SULF1: variants seen among roughly 807,000 people sequenced by gnomAD.
SULF1 encodes the protein extracellular sulfatase Sulf-1.
Under a neutral mutation model 110.5 loss-of-function variants are expected in SULF1, and 46 were observed. The ratio of observed to expected loss-of-function variants is 0.42; its 90% CI spans 0.33 to 0.53. The LOEUF (loss-of-function observed/expected upper bound fraction) is 0.53. Among genes scored for constraint, SULF1 ranks in the 20% least tolerant of loss-of-function variants. SULF1 has a pLI of 0.12. For missense variants in SULF1, 941 were observed against 1,094.2 expected (o/e 0.86, Z 1.98); for synonymous variants, 371 against 387.1 (o/e 0.96, Z 0.49).
intron 22 of SULF1, among the ~76,000 whole-genome samples, chr8:69,641,348 T>C (rs1811453608): frequency 6.6e-6 from 1 of 152,146 alleles, no homozygotes. Context: ...ATTCATTAAC[T>C]TTGGTGGTGA....
chr8:69,565,595 C>T (rs1319101467), intron 5 of SULF1, among the ~76,000 whole-genome samples: 2 of 152,260 alleles, frequency 1.3e-5, no homozygotes, highest in East Asian at 1.9e-4. Flanking sequence ...TTTCCCTCAC[C>T]GGTTTGTCAC....
At chr8:69,531,252 A>G (rs1304640657) in intron 3 of SULF1, among the ~76,000 whole-genome samples, 4 of 151,530 alleles carry the variant, frequency 2.6e-5, no homozygotes, top group African/African-American at 4.9e-5. Flanking sequence ...AGGTTTAAAA[A>G]CTCTTTTAGC....
chr8:69,646,255 A>G (rs1811900481), intron 22 of SULF1, among the ~76,000 whole-genome samples: 1 of 152,162 alleles, frequency 6.6e-6, no homozygotes, highest in East Asian at 1.9e-4. Context: ...TAGTTTTGTG[A>G]GTCACATTGG....
At chr8:69,600,148 G>A (rs571989606) in intron 8 of SULF1, among the ~76,000 whole-genome samples, 1 of 152,214 alleles carries the variant, frequency 6.6e-6, no homozygotes, top group East Asian at 1.9e-4. Flanking sequence ...GAGAAAAAAT[G>A]TGTTGAAATG....
rs147909650 is a variant in SULF1, at chr8:69,576,168, G to T, written c.371G>T (p.Arg124Leu). Reference sequence around the variant, plus strand: ...TCGTGGCAGGCCATGCATGAGCCTCGGACTTTTGCTGTATATCTTAACAAC... The same window carrying T: ...TCGTGGCAGGCCATGCATGAGCCTCTGACTTTTGCTGTATATCTTAACAAC... ...SPSWQAMHEP[R>L]TFAVYLNNTG... The change falls in exon 6 of 23, where the codon CGG (arginine) becomes CTG (leucine). Residue 124 changes from arginine to leucine, a missense_variant. By Grantham distance (102) the Arg-to-Leu change is moderately radical. Transcript: ENST00000402687. 2 of 1,613,996 alleles carry T rather than the reference G, an allele frequency of 1.2e-6. No individual in the cohort carries two copies. The highest frequency in any genetic ancestry group is 1.7e-6 in the Non-Finnish European group (2 of 1,180,028).
chr8:69,599,752 G>A (rs1427158270), intron 8 of SULF1, among the ~76,000 whole-genome samples: 1 of 152,178 alleles, frequency 6.6e-6, no homozygotes, highest in Non-Finnish European at 1.5e-5. Flanking sequence ...GCATAGATAT[G>A]TTACGTACCC....
At chr8:69,634,320 TC>T (rs1810808990) in intron 19 of SULF1, among the ~76,000 whole-genome samples, 1 of 152,236 alleles carries the variant, frequency 6.6e-6, no homozygotes, top group Admixed American at 6.5e-5. Flanking sequence ...ATTTAGAAGT[TC>T]TTTAGAATAG....
At position 69,604,929 on chromosome 8, in the gene SULF1, G is replaced by A. The variant is rs773184964; in HGVS notation, c.1374G>A (p.Gly458=). The A allele has an allele frequency of 6.2e-7, 1 of 1,614,048 alleles. No homozygotes were observed. The part of the protein sequence containing the change: ...ARYQTACEQP[G]QKWQCIEDTS... Reference sequence around the variant, plus strand: ...ACCAGACAGCCTGTGAACAACCGGGGCAGGTGAGTGACGCAGGCTTTCTTT... The same window carrying A: ...ACCAGACAGCCTGTGAACAACCGGGACAGGTGAGTGACGCAGGCTTTCTTT... The change falls in exon 13 of 23, where the codon GGG becomes GGA. Residue 458 remains glycine, a synonymous_variant. Coordinates refer to ENST00000402687, the MANE Select transcript of SULF1 (RefSeq NM_001128205.2).
At chr8:69,589,216 A>G in intron 8 of SULF1, 75 bp downstream of exon 8, 1 of 1,413,434 alleles carries the variant, frequency 7.1e-7, no homozygotes, top group Non-Finnish European at 9.6e-7. Flanking sequence ...CCTCTCCTTT[A>G]CCCCGTTTCC....
intron 3 of SULF1, among the ~76,000 whole-genome samples, chr8:69,504,734 A>T (rs1460335475): frequency 2.0e-5 from 3 of 151,990 alleles, no homozygotes; most frequent in Admixed American, 1.3e-4. Context: ...GGCTTCAGAG[A>T]TCTCTGCCCC....
intron 1 of SULF1, among the ~76,000 whole-genome samples, chr8:69,469,999 G>A (rs1048437551): frequency 1.3e-5 from 2 of 152,140 alleles, no homozygotes; most frequent in Non-Finnish European, 1.5e-5. Flanking sequence ...CCGAGATCGT[G>A]TCATTGCACT....
Position 69,651,055 on chromosome 8 carries a change from TC to T in SULF1, c.2586-7449del, listed in dbSNP as rs200316779. 3.6e-3 allele frequency among the ~76,000 whole-genome samples: 506 copies of T among 141,502 alleles called. 14 individuals are homozygous for T. Among genetic ancestry groups the T allele is most frequent in the African/African-American group, 5.2e-3 (176 of 34,148 alleles). 92.8% of individuals were successfully genotyped at this position (141,502 alleles called of 152,430 possible). A position where few individuals can be genotyped will look rare whatever the true frequency, so the allele number is the denominator to read the frequency against. ...TCAACATCTATTCTTTTTTTTCTTT[TC>T]TTTTTTTTTTTTTTTGAGACAGAGT... is the stretch of plus-strand genomic sequence containing the variant. On this transcript the variant is annotated intron_variant, in intron 22 of 22. Transcript: ENST00000402687.
rs745589329 is a variant in SULF1, at chr8:69,638,862, A to C, written c.2551+4A>C. On this transcript the variant is annotated splice_donor_region_variant and intron_variant, in intron 21 of 22. Transcript: ENST00000402687. ...AGACCTAAGAATCTTGATGTTGGTA[A>C]GGAAAAAAATACTATTTTTTCTATT... 2 of 1,601,020 alleles carry C rather than the reference A, an allele frequency of 1.2e-6. No individual in the cohort carries two copies. Among genetic ancestry groups the C allele is most frequent in the South Asian group, 2.3e-5 (2 of 87,418 alleles).
chr8:69,476,260 G>T (rs1297708659), intron 1 of SULF1, among the ~76,000 whole-genome samples: 2 of 152,068 alleles, frequency 1.3e-5, no homozygotes, highest in African/African-American at 4.8e-5. Flanking sequence ...ATTTGGGAAT[G>T]GTTTCCCCAT....
chr8:69,556,222 A>G (rs1404595463), intron 3 of SULF1, among the ~76,000 whole-genome samples: 2 of 152,210 alleles, frequency 1.3e-5, no homozygotes, highest in Non-Finnish European at 2.9e-5. Context: ...TGTTTGTGGC[A>G]TAGACATTAG....
chr8:69,576,247 A>G lies in SULF1; in HGVS notation c.412+38A>G, dbSNP rs1201228004. On this transcript the variant is annotated intron_variant, in intron 6 of 22. Coordinates refer to ENST00000402687, the MANE Select transcript of SULF1 (RefSeq NM_001128205.2). Reference sequence around the variant, plus strand: ...GTTTCTAGCCCATGAACGTCTTGTAATATGTCTTAGACTCAGGAAGAAGTG... The same window carrying G: ...GTTTCTAGCCCATGAACGTCTTGTAGTATGTCTTAGACTCAGGAAGAAGTG... The G allele has an allele frequency of 8.8e-6, 14 of 1,598,644 alleles. No individual in the cohort carries two copies. The Admixed American group carries it at 2.2e-4, about 25-fold the overall frequency.
At position 69,495,895 on chromosome 8, in the gene SULF1, A is replaced by G. The variant is rs1419663728; in HGVS notation, c.-260A>G. The G allele has an allele frequency of 1.3e-5, 2 of 152,172 alleles. No individual in the cohort carries two copies. The highest frequency in any genetic ancestry group is 2.9e-5 in the Non-Finnish European group (2 of 68,030). 9.4% of individuals were successfully genotyped at this position (152,172 alleles called of 1,614,324 possible). ...AGTGTGACCAGTAAATTCTTCCCAT[A>G]CTCTTGAAGAGAGCATAATTGGAAT... On this transcript the variant is annotated 5_prime_UTR_variant, in exon 2 of 23. In the 5' UTR this introduces an upstream ATG that the reference lacks. Coordinates refer to ENST00000402687, the MANE Select transcript of SULF1 (RefSeq NM_001128205.2).
At chr8:69,654,915 C>T (rs980993759) in intron 22 of SULF1, among the ~76,000 whole-genome samples, 1 of 152,226 alleles carries the variant, frequency 6.6e-6, no homozygotes, top group Non-Finnish European at 1.5e-5. Context: ...TATCTTTGCT[C>T]ACTTTTGGAC....
intron 3 of SULF1, among the ~76,000 whole-genome samples, chr8:69,545,218 C>CA (rs1164704125): frequency 2.6e-5 from 4 of 151,276 alleles, no homozygotes; most frequent in Admixed American, 2.0e-4. Context: ...TTCTTGTTCC[C>CA]ACTTACCTCT....
Sources: gnomAD v4.1 joint callset for allele counts (sites outside exome capture counted in the v4.1 genomes callset) on GRCh38, gnomAD v4.1.1 for gene constraint, MANE v1.5 for transcripts, NCBI Gene and HGNC (gene_info 2026-07-23, HGNC 2026-07-21) for gene names.